The following MSI2 variants were observed in gnomAD, a reference collection of about 807,000 sequenced individuals.
MSI2 encodes RNA-binding protein Musashi homolog 2.
In MSI2, 17 loss-of-function variants were observed where a neutral mutation model predicts 45.6. The observed-to-expected ratio is 0.37, with a 90% CI of 0.26 to 0.56. MSI2 has a LOEUF of 0.56. Among genes scored for constraint, MSI2 ranks in the 20% least tolerant of loss-of-function variants. The pLI, the probability that MSI2 is intolerant of heterozygous loss-of-function variation, is 0.77. For synonymous variants in MSI2, 156 were observed against 158.2 expected (o/e 0.99, Z 0.11); for missense variants, 293 against 444.2 (o/e 0.66, Z 3.06).
At chr17:57,347,970 G>A (rs778809690) in intron 5 of MSI2, among the ~76,000 whole-genome samples, 1 of 152,216 alleles carries the variant, frequency 6.6e-6, no homozygotes, top group Non-Finnish European at 1.5e-5. Context: ...CTCTGCCTGC[G>A]GGAGCTCACA....
At chr17:57,507,181 G>A (rs968101110) in intron 6 of MSI2, among the ~76,000 whole-genome samples, 1 of 149,326 alleles carries the variant, frequency 6.7e-6, no homozygotes, top group Non-Finnish European at 1.5e-5. Flanking sequence ...GTGTTGGGGG[G>A]GGGGGGTGTA....
At chr17:57,285,132 C>A (rs1370375784) in intron 5 of MSI2, among the ~76,000 whole-genome samples, 2 of 152,006 alleles carry the variant, frequency 1.3e-5, no homozygotes, top group Non-Finnish European at 2.9e-5. Context: ...GATAAGGAAC[C>A]GTCAACATCC....
At chr17:57,419,513 T>C (rs4794735) in intron 6 of MSI2, among the ~76,000 whole-genome samples, 106,444 of 151,252 alleles carry the variant, frequency 0.7, 38,072 homozygotes, top group South Asian at 0.87. Context: ...CAGGTGCTCA[T>C]CAGCATGCCT....
At chr17:57,448,819 T>TA (rs1296211262) in intron 6 of MSI2, 1 of 152,256 alleles carries the variant, frequency 6.6e-6, no homozygotes, top group Non-Finnish European at 1.5e-5. Flanking sequence ...ACCAGCCACT[T>TA]ACTAGCTTGG....
intron 6 of MSI2, among the ~76,000 whole-genome samples, chr17:57,421,991 T>C (rs1223027558): frequency 6.6e-6 from 1 of 152,228 alleles, no homozygotes; most frequent in Non-Finnish European, 1.5e-5. Context: ...GTTTAATATT[T>C]AATACTATCA....
chr17:57,313,115 G>T (rs1954644244), intron 5 of MSI2, among the ~76,000 whole-genome samples: 1 of 152,164 alleles, frequency 6.6e-6, no homozygotes, highest in Admixed American at 6.5e-5. Context: ...AAAGTGCTGG[G>T]ATTACAGTCG....
chr17:57,331,752 G>A (rs1242911891), intron 5 of MSI2, among the ~76,000 whole-genome samples: 10 of 152,242 alleles, frequency 6.6e-5, no homozygotes, highest in African/African-American at 1.9e-4. Flanking sequence ...CAGTGAAGGC[G>A]TATCAGCCAC....
intron 5 of MSI2, among the ~76,000 whole-genome samples, chr17:57,297,178 GT>G (rs200926325): frequency 1.5e-5 from 2 of 134,780 alleles, no homozygotes; most frequent in African/African-American, 3.1e-5. Context: ...GCTGGGCCCA[GT>G]TTTTTTTTGT....
chr17:57,258,339 G>A lies in MSI2; in HGVS notation c.255G>A (p.Glu85=). The A allele has an allele frequency of 6.2e-7, 1 of 1,614,070 alleles. No individual in the cohort carries two copies. The highest frequency in any genetic ancestry group is 8.5e-7 in the Non-Finnish European group (1 of 1,179,956). ...VDKVLGQPHH[E]LDSKTIDPKV... is the part of the protein sequence containing the mutation. ...AAGTATTAGGTCAGCCCCACCATGA[G>A]TTAGATTCCAAGACGGTAGGTTGCT... The change falls in exon 4 of 14, where the codon GAG becomes GAA. Residue 85 remains glutamate (E), a synonymous_variant. Transcript: ENST00000284073.
intron 7 of MSI2, among the ~76,000 whole-genome samples, chr17:57,590,116 A>T (rs1283615922): frequency 6.6e-6 from 1 of 152,196 alleles, no homozygotes; most frequent in Non-Finnish European, 1.5e-5. Flanking sequence ...AAATTTGACA[A>T]TCTGGGGTTT....
intron 5 of MSI2, among the ~76,000 whole-genome samples, chr17:57,272,226 C>T (rs1908440229): frequency 6.6e-6 from 1 of 152,190 alleles, no homozygotes; most frequent in Non-Finnish European, 1.5e-5. Context: ...TGGTGTTCTC[C>T]ACCCTAAAGA....
At chr17:57,365,889 A>G (rs763862107) in intron 5 of MSI2, among the ~76,000 whole-genome samples, 5 of 152,130 alleles carry the variant, frequency 3.3e-5, no homozygotes, top group Non-Finnish European at 5.9e-5. Flanking sequence ...CACATAGTAG[A>G]GTCTCAGTAA....
At chr17:57,503,716 T>C (rs760759977) in intron 6 of MSI2, among the ~76,000 whole-genome samples, 1 of 152,210 alleles carries the variant, frequency 6.6e-6, no homozygotes, top group African/African-American at 2.4e-5. Context: ...TCACAGGTGC[T>C]TATGGTTTAG....
intron 10 of MSI2, chr17:57,632,511 C>T (rs1261935472): frequency 9.4e-6 from 10 of 1,066,746 alleles, no homozygotes; most frequent in Non-Finnish European, 1.1e-5. Context: ...GTGGGCCCCG[C>T]CTTCCCCAGC....
Position 57,283,268 on chromosome 17 carries a change from G to A in MSI2, c.312+21076G>A, listed in dbSNP as rs1266515814. On this transcript the variant is annotated intron_variant, in intron 5 of 13. Coordinates refer to ENST00000284073, the MANE Select transcript of MSI2 (RefSeq NM_138962.4). ...CCGTAAAGTCTCTGGAGTGAGTGCT[G>A]GGAAGTTTATAAGCAGAGGCCGCAC... Among the ~76,000 whole-genome samples, 3 of 152,034 alleles carry A rather than the reference G, an allele frequency of 2.0e-5. No homozygotes were observed. The East Asian group carries it at 5.8e-4, about 29-fold the overall frequency.
intron 11 of MSI2, among the ~76,000 whole-genome samples, chr17:57,655,183 G>T (rs997369415): frequency 1.2e-4 from 18 of 152,088 alleles, no homozygotes; most frequent in African/African-American, 4.1e-4. Context: ...GACCCCACCA[G>T]GTGAGGTCCC....
intron 7 of MSI2, among the ~76,000 whole-genome samples, chr17:57,553,135 C>G (rs1163468643): frequency 1.3e-5 from 2 of 151,388 alleles, no homozygotes; most frequent in Non-Finnish European, 2.9e-5. Flanking sequence ...GTTGTCCATC[C>G]CCGCAGCTAG....
chr17:57,584,532 A>T (rs1047673941), intron 7 of MSI2, among the ~76,000 whole-genome samples: 1 of 152,148 alleles, frequency 6.6e-6, no homozygotes, highest in Non-Finnish European at 1.5e-5. Flanking sequence ...TGTCAGTGGG[A>T]CTGGTCTGAA....
chr17:57,695,165 A>T, the MSI2 span, among the ~76,000 whole-genome samples: 1 of 152,352 alleles, frequency 6.6e-6, no homozygotes, highest in Admixed American at 6.5e-5. Context: ...TCACACAGCT[A>T]GTTAATAGTG....
Sources: gnomAD v4.1 joint callset for allele counts (sites outside exome capture counted in the v4.1 genomes callset) on GRCh38, gnomAD v4.1.1 for gene constraint, MANE v1.5 for transcripts, NCBI Gene and HGNC (gene_info 2026-07-23, HGNC 2026-07-21) for gene names.